Variants in IQANK1 observed in about 807,000 individuals in gnomAD.
The protein encoded by IQANK1 is IQ motif and ankyrin repeat containing 1, also known as IQ motif and ankyrin repeat domain-containing protein 1.
Under a neutral mutation model 22.6 loss-of-function variants are expected in IQANK1, and 30 were observed. The ratio of observed to expected loss-of-function variants is 1.33; its 90% CI spans 0.99 to 1.80. The LOEUF is 1.80. IQANK1 is among the 40% of genes most tolerant of loss of function. The probability of loss-of-function intolerance (pLI) is 0.00; values close to 1 mark genes in which losing one functional copy is unlikely to be tolerated. For missense variants in IQANK1, 275 were observed against 235.2 expected (o/e 1.17, Z -1.11); for synonymous variants, 122 against 99.6 (o/e 1.23, Z -1.34).
chr8:143,742,584 G>A (rs782582963), intron 3 of IQANK1: 3 of 455,998 alleles, frequency 6.6e-6, no homozygotes, highest in South Asian at 4.6e-5. Context: ...GTGATGTGGA[G>A]CTGGGAAACC....
chr8:143,766,106 C>T (rs1279734986), intron 3 of IQANK1, among the ~76,000 whole-genome samples: 1 of 152,160 alleles, frequency 6.6e-6, no homozygotes, highest in South Asian at 2.1e-4. Flanking sequence ...AGCCGGTGTG[C>T]GTGGTATTAG....
In IQANK1 at chr8:143,789,927, C is replaced by T. The variant is rs533893622; in HGVS notation, c.1196-44C>T. 2.8e-5 allele frequency: 34 copies of T among 1,231,856 alleles called. No individual in the cohort carries two copies. In the South Asian group the frequency reaches 8.2e-4, roughly 30 times the overall value. 76.3% of individuals were successfully genotyped at this position (1,231,856 alleles called of 1,614,324 possible). Reference sequence around the variant, plus strand: ...GGGACATACAGCCCAGGGCGGGGTCCGGCGTCGGGCTTGCCTGTCAGCTGC... The same window carrying T: ...GGGACATACAGCCCAGGGCGGGGTCTGGCGTCGGGCTTGCCTGTCAGCTGC... On this transcript the variant is annotated intron_variant, in intron 11 of 13. Transcript: ENST00000527139.
intron 3 of IQANK1, chr8:143,759,188 G>A (rs1587481471): frequency 4.0e-6 from 1 of 249,748 alleles, no homozygotes; most frequent in East Asian, 1.1e-4. Flanking sequence ...ATGGCCAGCA[G>A]CCGTCACAGC....
At chr8:143,738,857 G>T (rs1316699901) in intron 2 of IQANK1, among the ~76,000 whole-genome samples, 1 of 152,184 alleles carries the variant, frequency 6.6e-6, no homozygotes, top group Non-Finnish European at 1.5e-5. Flanking sequence ...ATGGGAACCC[G>T]CAGCCCATGC....
At chr8:143,749,039 T>C (rs1312656181) in intron 3 of IQANK1, among the ~76,000 whole-genome samples, 8 of 121,506 alleles carry the variant, frequency 6.6e-5, no homozygotes, top group South Asian at 2.4e-4. Context: ...AATATAAATA[T>C]ATATCATATA....
intron 3 of IQANK1, among the ~76,000 whole-genome samples, chr8:143,746,851 CTT>C (rs1554627250): frequency 6.6e-6 from 1 of 152,024 alleles, no homozygotes; most frequent in Non-Finnish European, 1.5e-5. Context: ...AGAGTACTCT[CTT>C]ATGATATTTT....
rs556398314 is a variant in IQANK1, at chr8:143,749,551, TATATATC to T, written c.175+9610_175+9616del. ...ACATAAAAATATATGATATATATGA[TATATATC>T]ATATATATCAATCATATATATATAT... is the stretch of plus-strand genomic sequence containing the variant. On this transcript the variant is annotated intron_variant, in intron 3 of 13. Transcript: ENST00000527139. Among the ~76,000 whole-genome samples the T allele has an allele frequency of 5.5e-3, 760 of 137,476 alleles. 10 individuals are homozygous for T. The highest frequency in any genetic ancestry group is 0.019 in the African/African-American group (695 of 36,760). The allele number at this position is 137,476 out of a possible 152,430, so 90.2% of individuals were successfully genotyped here.
At position 143,735,232 on chromosome 8, in the gene IQANK1, G is replaced by C. The variant is rs763729507; in HGVS notation, c.-4-618G>C. 2.0e-5 allele frequency among the ~76,000 whole-genome samples: 3 copies of C among 152,262 alleles called. No homozygotes were observed. The highest frequency in any genetic ancestry group is 2.9e-5 in the Non-Finnish European group (2 of 68,052). ...GGTGAGGGGCATGGGGCACCGGGGA[G>C]GACCCGGACAGGCTGGGGCAGGCAG... On this transcript the variant is annotated intron_variant, in intron 1 of 13. Coordinates refer to ENST00000527139, the MANE Select transcript of IQANK1 (RefSeq NM_001381874.1). The surrounding 1 kb of genome is among the most constrained non-coding windows in gnomAD (Gnocchi z 5.2).
chr8:143,743,236 G>GTT, intron 3 of IQANK1: 1 of 351,494 alleles, frequency 2.8e-6, no homozygotes, highest in Non-Finnish European at 5.6e-6. Flanking sequence ...GTTCCGTTTT[G>GTT]TTTTTTTTTG....
chr8:143,739,661 T>A (rs1818846337), intron 2 of IQANK1, among the ~76,000 whole-genome samples, 198 bp from the exon 3 acceptor site: 1 of 152,198 alleles, frequency 6.6e-6, no homozygotes, highest in Non-Finnish European at 1.5e-5. Flanking sequence ...TGAGGCCCCC[T>A]GTGCAGTGGA....
At chr8:143,782,627 C>T (rs1051014285) in intron 7 of IQANK1, among the ~76,000 whole-genome samples, 4 of 152,068 alleles carry the variant, frequency 2.6e-5, no homozygotes, top group African/African-American at 7.2e-5. Flanking sequence ...ATTACAGGCA[C>T]GTGCCACCAT....
At chr8:143,746,810 G>A (rs988494932) in intron 3 of IQANK1, among the ~76,000 whole-genome samples, 19 of 151,964 alleles carry the variant, frequency 1.3e-4, no homozygotes, top group Admixed American at 9.8e-4. Flanking sequence ...ACTTCATCTA[G>A]GTCACTCAAT....
chr8:143,751,664 G>GTGTATA (rs370428606), intron 3 of IQANK1, among the ~76,000 whole-genome samples: 935 of 61,556 alleles, frequency 0.015, 42 homozygotes, highest in East Asian at 0.037. Flanking sequence ...GTGTGTGTGT[G>GTGTATA]TATATATATA....
intron 3 of IQANK1, among the ~76,000 whole-genome samples, chr8:143,767,381 T>C (rs782038225): frequency 2.0e-5 from 3 of 152,214 alleles, no homozygotes; most frequent in African/African-American, 7.2e-5. Flanking sequence ...TGTATAGAGA[T>C]CTTGTGTGTA....
At chr8:143,754,724 C>G (rs1295730171) in intron 3 of IQANK1, among the ~76,000 whole-genome samples, 1 of 152,054 alleles carries the variant, frequency 6.6e-6, no homozygotes, top group Non-Finnish European at 1.5e-5. Context: ...CTTCTGGGTT[C>G]ACGACATTCT....
At chr8:143,767,900 G>C (rs1179241744) in intron 3 of IQANK1, among the ~76,000 whole-genome samples, 1 of 13,594 alleles carries the variant, frequency 7.4e-5, no homozygotes, top group Non-Finnish European at 1.4e-4. Context: ...TTTTTTTTTT[G>C]TGAGACAGAG....
Position 143,765,226 on chromosome 8 carries a change from G to A in IQANK1, c.176-6262G>A, listed in dbSNP as rs141628690. Among the ~76,000 whole-genome samples the A allele has an allele frequency of 1.4e-3, 206 of 151,924 alleles. 4 individuals are homozygous for A. In the East Asian group the frequency reaches 0.034, roughly 25 times the overall value. ...ACAGAAGTTAGCCAGGCATGGTGGCGCACGCCTGTAATCCCCGCTACTTGG... is the reference window on the plus strand; with the variant it reads ...ACAGAAGTTAGCCAGGCATGGTGGCACACGCCTGTAATCCCCGCTACTTGG... On this transcript the variant is annotated intron_variant, in intron 3 of 13. Transcript: ENST00000527139.
chr8:143,788,519 C>T (rs1281177540), intron 7 of IQANK1, among the ~76,000 whole-genome samples: 1 of 152,224 alleles, frequency 6.6e-6, no homozygotes, highest in Non-Finnish European at 1.5e-5. Context: ...CTCCAGTGTG[C>T]ACATCCTGCG....
At chr8:143,766,117 G>A (rs558661064) in intron 3 of IQANK1, among the ~76,000 whole-genome samples, 1 of 152,146 alleles carries the variant, frequency 6.6e-6, no homozygotes, top group Non-Finnish European at 1.5e-5. Flanking sequence ...GTGGTATTAG[G>A]TGAGGTTTTA....
Sources: allele counts gnomAD v4.1 joint callset (sites outside exome capture counted in the v4.1 genomes callset), GRCh38; gene constraint gnomAD v4.1.1; non-coding constraint Gnocchi (gnomAD v3.1); transcripts MANE v1.5; gene names NCBI Gene and HGNC (gene_info 2026-07-23, HGNC 2026-07-21).